The following NUDT3 variants were observed in gnomAD, a reference collection of about 807,000 sequenced individuals.
NUDT3 encodes diphosphoinositol polyphosphate phosphohydrolase 1.
NUDT3 carries 9 observed loss-of-function variants against 23.6 expected under a neutral mutation model. The observed-to-expected ratio is 0.38, with a 90% confidence interval of 0.23 to 0.66. The LOEUF is 0.66. NUDT3 is among the 30% of genes least tolerant of loss of function. The probability of loss-of-function intolerance (pLI) is 0.52; values close to 1 mark genes in which losing one functional copy is unlikely to be tolerated. For missense variants in NUDT3, 172 were observed against 218.5 expected (o/e 0.79, Z 1.34); for synonymous variants, 86 against 82.6 (o/e 1.04, Z -0.22).
chr6:34,332,391 AAGGAAGAGGAGG>A (rs1764141425), intron 2 of NUDT3, among the ~76,000 whole-genome samples: 1 of 152,136 alleles, frequency 6.6e-6, no homozygotes, highest in Non-Finnish European at 1.5e-5. Flanking sequence ...TGAGTAGGCT[AAGGAAGAGGAGG>A]AGGAAGAGGA....
intron 1 of NUDT3, among the ~76,000 whole-genome samples, chr6:34,345,250 G>A (rs892328571): frequency 4.0e-5 from 6 of 150,956 alleles, no homozygotes; most frequent in Middle Eastern, 3.4e-3. Context: ...GGGTTTCACC[G>A]TGTTGGCCAG....
At chr6:34,363,898 A>T (rs1764686711) in intron 1 of NUDT3, among the ~76,000 whole-genome samples, 1 of 151,624 alleles carries the variant, frequency 6.6e-6, no homozygotes. Flanking sequence ...TTAGCCTCCC[A>T]AGTAGCTGGG....
Position 34,341,892 on chromosome 6 carries a change from A to G in NUDT3, c.180T>C (p.Ser60=), listed in dbSNP as rs753591076. 6.2e-7 allele frequency: 1 copy of G among 1,614,032 alleles called. No individual in the cohort carries two copies. The highest frequency in any genetic ancestry group is 8.5e-7 in the Non-Finnish European group (1 of 1,179,954). The change falls in exon 2 of 5, where the codon AGT becomes AGC. Residue 60 remains serine (S), a synonymous_variant. Transcript: ENST00000607016. The part of the protein sequence containing the change: ...GGGMEPEEEP[S]VAAVREVCEE... ...CACAGACTTCACGAACTGCTGCCAC[A>G]CTTGGCTCCTCCTCGGGCTCCATGC...
intron 2 of NUDT3, among the ~76,000 whole-genome samples, chr6:34,309,622 A>G (rs1159516675): frequency 6.6e-6 from 1 of 152,084 alleles, no homozygotes; most frequent in African/African-American, 2.4e-5. Flanking sequence ...TAAAATTAAA[A>G]AGCCTAAAAG....
intron 1 of NUDT3, among the ~76,000 whole-genome samples, chr6:34,346,832 T>G (rs886084147): frequency 1.7e-4 from 26 of 152,212 alleles, no homozygotes; most frequent in African/African-American, 6.0e-4. Flanking sequence ...CAAAGTTCAC[T>G]GCAGCCTCAA....
chr6:34,342,403 A>G (rs1235282869), intron 1 of NUDT3, among the ~76,000 whole-genome samples: 1 of 151,684 alleles, frequency 6.6e-6, no homozygotes, highest in Non-Finnish European at 1.5e-5. Flanking sequence ...ATGGTCCAAC[A>G]CTTTCCCTCC....
At chr6:34,295,598 T>C in intron 3 of NUDT3, 43 bp downstream of exon 3, 2 of 1,604,474 alleles carry the variant, frequency 1.2e-6, no homozygotes, top group Non-Finnish European at 1.7e-6. Flanking sequence ...TCTGTGTGGT[T>C]ATTAATACAT....
chr6:34,330,309 CT>C (rs1277610410), intron 2 of NUDT3, among the ~76,000 whole-genome samples: 1 of 152,132 alleles, frequency 6.6e-6, no homozygotes, highest in Non-Finnish European at 1.5e-5. Flanking sequence ...TCTCTAGTAC[CT>C]GTTGTTTCCT....
At chr6:34,361,594 T>C (rs1474770358) in intron 1 of NUDT3, among the ~76,000 whole-genome samples, 1 of 152,246 alleles carries the variant, frequency 6.6e-6, no homozygotes, top group Non-Finnish European at 1.5e-5. Flanking sequence ...AGCAGCTTTA[T>C]TCATAATTGC....
At chr6:34,363,858 C>T (rs1278674135) in intron 1 of NUDT3, among the ~76,000 whole-genome samples, 1 of 152,002 alleles carries the variant, frequency 6.6e-6, no homozygotes, top group Non-Finnish European at 1.5e-5. Flanking sequence ...CTGCAACCTC[C>T]TCCTCCCAGG....
intron 2 of NUDT3, among the ~76,000 whole-genome samples, chr6:34,302,715 G>A (rs1003286301): frequency 6.6e-6 from 1 of 152,206 alleles, no homozygotes; most frequent in South Asian, 2.1e-4. Context: ...CTGGGTGACA[G>A]AGCGAGAGAC....
intron 4 of NUDT3, among the ~76,000 whole-genome samples, chr6:34,291,000 T>C (rs1021874829): frequency 3.3e-5 from 5 of 151,698 alleles, no homozygotes; most frequent in African/African-American, 1.2e-4. Flanking sequence ...CACTCCGTCA[T>C]GCAGGCTGGA....
In NUDT3 at chr6:34,296,351, A is replaced by G. The variant is rs777029891; in HGVS notation, c.211-666T>C. 2.4e-3 allele frequency among the ~76,000 whole-genome samples: 361 copies of G among 152,256 alleles called. 4 individuals are homozygous for G. Among genetic ancestry groups the G allele is most frequent in the Non-Finnish European group, 2.2e-3 (152 of 68,026 alleles). On this transcript the variant is annotated intron_variant, in intron 2 of 4. Transcript: ENST00000607016. Reference sequence around the variant, plus strand: ...CACTTTGGGAAGCTGAGGCGGGTGGATCACTTGAGCTCAGGAGTTCGAGAC... The same window carrying G: ...CACTTTGGGAAGCTGAGGCGGGTGGGTCACTTGAGCTCAGGAGTTCGAGAC...
rs1181053051 is a variant in NUDT3, at chr6:34,353,862, C to T, written c.100-11890G>A. Reference sequence around the variant, plus strand: ...GACTACAGGCGCCTGCTACCATACCCGGCTAATACTTGTTTGTAGAGACAG... The same window carrying T: ...GACTACAGGCGCCTGCTACCATACCTGGCTAATACTTGTTTGTAGAGACAG... On this transcript the variant is annotated intron_variant, in intron 1 of 4. Coordinates refer to ENST00000607016, the MANE Select transcript of NUDT3 (RefSeq NM_006703.4). 4.0e-5 allele frequency among the ~76,000 whole-genome samples: 6 copies of T among 151,810 alleles called. 1 individual carries two copies. Among genetic ancestry groups the T allele is most frequent in the African/African-American group, 7.3e-5 (3 of 41,334 alleles).
chr6:34,345,731 A>G (rs1393126297), intron 1 of NUDT3, among the ~76,000 whole-genome samples: 1 of 151,178 alleles, frequency 6.6e-6, no homozygotes, highest in Non-Finnish European at 1.5e-5. Context: ...CTACACCTCA[A>G]TGGAGTAACC....
At chr6:34,388,469 C>A (rs1765145569) in intron 1 of NUDT3, among the ~76,000 whole-genome samples, 1 of 152,056 alleles carries the variant, frequency 6.6e-6, no homozygotes, top group African/African-American at 2.4e-5. Context: ...GGGTTGAATG[C>A]CTTATTCGGT....
intron 2 of NUDT3, among the ~76,000 whole-genome samples, chr6:34,304,756 G>A (rs960363203): frequency 6.6e-6 from 1 of 151,294 alleles, no homozygotes; most frequent in African/African-American, 2.4e-5. Context: ...GACTACCCAG[G>A]CTGAAGCAAT....
intron 2 of NUDT3, among the ~76,000 whole-genome samples, chr6:34,322,234 C>CT (rs988797839): frequency 0.026 from 3,716 of 142,460 alleles, 89 homozygotes; most frequent in African/African-American, 0.069. Flanking sequence ...ACCCTGGACT[C>CT]TTTTTTTTTT....
intron 2 of NUDT3, among the ~76,000 whole-genome samples, chr6:34,308,119 CAAAAAAAAAAAAAAAAAAAAAAAA>C (rs533055608): frequency 1.7e-3 from 105 of 60,096 alleles, no homozygotes; most frequent in African/African-American, 4.8e-3. Context: ...AACTCTGTCT[CAAAAAAAAAAAAAAAAAAAAAAAA>C]AAAAAAAAAA....
Sources: gnomAD v4.1 joint callset for allele counts (sites outside exome capture counted in the v4.1 genomes callset) on GRCh38, gnomAD v4.1.1 for gene constraint, MANE v1.5 for transcripts, NCBI Gene and HGNC (gene_info 2026-07-23, HGNC 2026-07-21) for gene names.